TBC1D10B: variants seen among roughly 807,000 people sequenced by gnomAD.
TBC1D10B encodes TBC1 domain family member 10B.
In TBC1D10B, 25 loss-of-function variants were observed where a neutral mutation model predicts 78.4. That is an observed-to-expected ratio of 0.32 (90% CI 0.23 to 0.45). The LOEUF is 0.45. TBC1D10B is among the 20% of genes least tolerant of loss of function. The pLI, the probability that TBC1D10B is intolerant of heterozygous loss-of-function variation, is 1.00. For missense variants in TBC1D10B, 996 were observed against 1,104.8 expected, an observed-to-expected ratio of 0.90 and a Z score of 1.40; for synonymous variants, 517 against 478.0, an observed-to-expected ratio of 1.08 and a Z score of -1.06.
rs1411668838 is a variant in TBC1D10B at position 30,364,138 on chromosome 16, G to A, written c.1271+762C>T. On this transcript the variant is annotated intron_variant, in intron 4 of 8. Coordinates refer to ENST00000409939, the MANE Select transcript of TBC1D10B (RefSeq NM_015527.4). The stretch of plus-strand genomic sequence containing the variant: ...ATCTCAAAAAAAAAAAAAAAGAAAA[G>A]AAAGAACAAAAAGTCCATCTGGCCA... 8.7e-5 allele frequency among the ~76,000 whole-genome samples: 13 copies of A among 149,374 alleles called. 1 individual carries two copies. The highest frequency in any genetic ancestry group is 2.5e-4 in the African/African-American group (10 of 40,672).
At position 30,369,575 on chromosome 16, in the gene TBC1D10B, T is replaced by C. The variant is rs2049667646; in HGVS notation, c.609A>G (p.Ser203=). 6.5e-7 allele frequency: 1 copy of C among 1,533,064 alleles called. No individual in the cohort carries two copies. Among genetic ancestry groups the C allele is most frequent in the Admixed American group, 2.1e-5 (1 of 47,868 alleles). The allele number at this position is 1,533,064 out of a possible 1,614,324, so 95.0% of individuals were successfully genotyped here. The change falls in exon 1 of 9, where the codon TCA becomes TCG. Residue 203 remains serine (S), a synonymous_variant. Transcript: ENST00000409939. The surrounding 1 kb of genome is among the most constrained non-coding windows in gnomAD (Gnocchi z 4.3). ...CCTCAGGAGCCTGTCCTGCTGATGCTGATGTTGCTGCGGCAGCTCCATGCC... is the reference window on the plus strand; with the variant it reads ...CCTCAGGAGCCTGTCCTGCTGATGCCGATGTTGCTGCGGCAGCTCCATGCC... ...TGGHGAAAAT[S]ASAGQAPEDP...
At chr16:30,361,511 A>T (rs1054869781) in intron 4 of TBC1D10B, among the ~76,000 whole-genome samples, 1 of 147,618 alleles carries the variant, frequency 6.8e-6, no homozygotes, top group African/African-American at 2.5e-5. Context: ...CTCACGGCAA[A>T]CTCTGTCTCC....
rs186931006 is a variant in TBC1D10B, at chr16:30,359,606, G to A, written c.1387-3C>T. ...TGCACCAGGCACCAAAAGGCTTGCT[G>A]AGAAGAGCAAGAACAAGGAGGAGGG... is the stretch of plus-strand genomic sequence containing the variant. On this transcript the variant is annotated splice_polypyrimidine_tract_variant and splice_region_variant and intron_variant, in intron 5 of 8. Coordinates refer to ENST00000409939, the MANE Select transcript of TBC1D10B (RefSeq NM_015527.4). 1,647 of 1,560,420 alleles carry A rather than the reference G, an allele frequency of 1.1e-3. 13 individuals are homozygous for A. The African/African-American group carries it at 0.02, about 19-fold the overall frequency.
rs374707659 is a variant in TBC1D10B at position 30,358,471 on chromosome 16, G to T, written c.1900C>A (p.Arg634=). ...TRGELQYRPS[R]RLHGSRAIHE... ...ATGGCCCGGGACCCATGCAGTCGCC[G>T]TGAGGGCCGATACTGCAGCTCCCCC... is the stretch of plus-strand genomic sequence containing the variant. Residue 634 remains arginine, a synonymous_variant, in exon 9 of 9, where the codon CGG becomes AGG. Coordinates refer to ENST00000409939, the MANE Select transcript of TBC1D10B (RefSeq NM_015527.4). 18 of 1,595,558 alleles carry T rather than the reference G, an allele frequency of 1.1e-5. No homozygotes were observed. The South Asian group carries it at 1.9e-4, about 17-fold the overall frequency.
In TBC1D10B at chr16:30,357,274, C is replaced by T. The variant is rs1308814988; in HGVS notation, c.*670G>A. The stretch of plus-strand genomic sequence containing the variant: ...AGGGAACAAGGTGAAAGGTATGGGT[C>T]CTGGTGAGACAAAAGCAGGGGGGCC... On this transcript the variant is annotated 3_prime_UTR_variant, in exon 9 of 9. Coordinates refer to ENST00000409939, the MANE Select transcript of TBC1D10B (RefSeq NM_015527.4). 3.8e-5 allele frequency: 6 copies of T among 156,614 alleles called. No individual in the cohort carries two copies. The highest frequency in any genetic ancestry group is 1.4e-4 in the African/African-American group (6 of 41,446). The allele number at this position is 156,614 out of a possible 1,614,324, so 9.7% of individuals were successfully genotyped here.
chr16:30,366,552 T>C (rs2049638337), intron 1 of TBC1D10B: 1 of 152,138 alleles, frequency 6.6e-6, no homozygotes. Context: ...AATGTACTTC[T>C]GTCTCTTTAG....
rs761165757 is a variant in TBC1D10B, at chr16:30,357,811, G to A, written c.*133C>T. ...CCGTGTAGGGATCAGCAGCTGGCGA[G>A]GAGATGGGGAACCAAGCCACTTTCC... On this transcript the variant is annotated 3_prime_UTR_variant, in exon 9 of 9. Coordinates refer to ENST00000409939, the MANE Select transcript of TBC1D10B (RefSeq NM_015527.4). The A allele has an allele frequency of 7.2e-6, 9 of 1,242,032 alleles. No homozygotes were observed. The highest frequency in any genetic ancestry group is 9.8e-6 in the Non-Finnish European group (9 of 920,720). The allele number at this position is 1,242,032 out of a possible 1,614,324, so 76.9% of individuals were successfully genotyped here. A position where few individuals can be genotyped will look rare whatever the true frequency, so the allele number is the denominator to read the frequency against.
chr16:30,357,945 C>A lies in TBC1D10B; in HGVS notation c.2426G>T (p.Ter809LeuextTer27). 6.5e-7 allele frequency: 1 copy of A among 1,549,984 alleles called. No homozygotes were observed. Among genetic ancestry groups the A allele is most frequent in the South Asian group, 1.2e-5 (1 of 84,008 alleles). The part of the protein sequence containing the change: ...SAEARQDAYF[*>L] ...TGCAGTCCAGCCCCAGGGCAGAGGT[C>A]AGAAGTAAGCGTCCTGCCGGGCCTC... Residue 809 changes from the stop codon to leucine, a stop_lost, in exon 9 of 9, where the codon TGA (stop) becomes TTA (leucine). Coordinates refer to ENST00000409939, the MANE Select transcript of TBC1D10B (RefSeq NM_015527.4).
intron 4 of TBC1D10B, among the ~76,000 whole-genome samples, chr16:30,363,692 C>T (rs2049613665): frequency 6.6e-6 from 1 of 152,208 alleles, no homozygotes; most frequent in Admixed American, 6.5e-5. Context: ...TATTGTTTGT[C>T]CCCACTAAAA....
rs1024406224 is a variant in TBC1D10B at position 30,364,761 on chromosome 16, CTT to C, written c.1271+137_1271+138del. 28 of 722,618 alleles carry C rather than the reference CTT, an allele frequency of 3.9e-5. No homozygotes were observed. The African/African-American group carries it at 4.8e-4, about 12-fold the overall frequency. The allele number at this position is 722,618 out of a possible 1,614,324, so 44.8% of individuals were successfully genotyped here. A position where few individuals can be genotyped will look rare whatever the true frequency, so the allele number is the denominator to read the frequency against. ...ACAGTTCCTTTGACATGGCTTGACACTTAGTCCATTACAGATAGCTCTTCTAC... is the reference window on the plus strand; with the variant it reads ...ACAGTTCCTTTGACATGGCTTGACACAGTCCATTACAGATAGCTCTTCTAC... On this transcript the variant is annotated intron_variant, in intron 4 of 8. Coordinates refer to ENST00000409939, the MANE Select transcript of TBC1D10B (RefSeq NM_015527.4).
In TBC1D10B at chr16:30,369,315, A is replaced by C; in HGVS notation, c.869T>G (p.Met290Arg). Residue 290 changes from methionine to arginine, a missense_variant, in exon 1 of 9, where the codon ATG (methionine) becomes AGG (arginine). Transcript: ENST00000409939. This position sits in a 1 kb window ranked among gnomAD's most constrained non-coding sequence, Gnocchi z 4.3. Reference sequence around the variant, plus strand: ...CCCGTTTATCTCTGAATCTGAGCCCATGGAGCTCACATCATCCGCCAAGGA... The same window carrying C: ...CCCGTTTATCTCTGAATCTGAGCCCCTGGAGCTCACATCATCCGCCAAGGA... ...LESLADDVSS[M>R]GSDSEINGLA... is the part of the protein sequence containing the mutation. 6.3e-7 allele frequency: 1 copy of C among 1,595,492 alleles called. No individual in the cohort carries two copies. Among genetic ancestry groups the C allele is most frequent in the Non-Finnish European group, 8.5e-7 (1 of 1,171,372 alleles).
At chr16:30,360,109 T>TTCCAGGTCA (rs1230537192) in intron 4 of TBC1D10B, 17 of 407,276 alleles carry the variant, frequency 4.2e-5, no homozygotes, top group African/African-American at 3.4e-4. Context: ...CCCAGAAACC[T>TTCCAGGTCA]TCCAGGTCAT....
chr16:30,370,147 G>A lies in TBC1D10B; in HGVS notation c.37C>T (p.Arg13Cys), dbSNP rs2049676768. ...TGTAPLVAPPRRHGAPAAPSP... is the reference protein window; with the variant it reads ...TGTAPLVAPPCRHGAPAAPSP... ...GGGGCCGCGGGGGCGCCATGACGGC[G>A]CGGCGGGGCCACCAGGGGCGCCGTG... The change falls in exon 1 of 9, where the codon CGC becomes TGC. Residue 13 changes from arginine (R) to cysteine (C), a missense_variant. Transcript: ENST00000409939. 9 of 1,195,830 alleles carry A rather than the reference G, an allele frequency of 7.5e-6. No individual in the cohort carries two copies. The East Asian group carries it at 2.5e-4, about 33-fold the overall frequency. The allele number at this position is 1,195,830 out of a possible 1,614,324, so 74.1% of individuals were successfully genotyped here.
intron 4 of TBC1D10B, among the ~76,000 whole-genome samples, chr16:30,363,292 T>C (rs1197042341): frequency 6.6e-6 from 1 of 152,204 alleles, no homozygotes; most frequent in African/African-American, 2.4e-5. Flanking sequence ...GGTCTAGCTC[T>C]CACCCTCTCC....
At position 30,365,070 on chromosome 16, in the gene TBC1D10B, G is replaced by A. The variant is rs1468187432; in HGVS notation, c.1164+35C>T. ...GAACTGATACCCCTTGCACAGACAG[G>A]GCCACATGTCCCCACACCTTGGAGC... is the stretch of plus-strand genomic sequence containing the variant. On this transcript the variant is annotated intron_variant, in intron 3 of 8. Transcript: ENST00000409939. This position sits in a 1 kb window ranked among gnomAD's most constrained non-coding sequence, Gnocchi z 5.0. 6.2e-7 allele frequency: 1 copy of A among 1,612,860 alleles called. No individual in the cohort carries two copies. Among genetic ancestry groups the A allele is most frequent in the Admixed American group, 1.7e-5 (1 of 59,990 alleles).
Position 30,370,214 on chromosome 16 carries a change from C to T in TBC1D10B, c.-31G>A, listed in dbSNP as rs1421115394. 7 of 1,100,538 alleles carry T rather than the reference C, an allele frequency of 6.4e-6. No individual in the cohort carries two copies. In the East Asian group the frequency reaches 2.7e-4, roughly 43 times the overall value. The allele number at this position is 1,100,538 out of a possible 1,614,324, so 68.2% of individuals were successfully genotyped here. On this transcript the variant is annotated 5_prime_UTR_variant, in exon 1 of 9. Transcript: ENST00000409939. ...CGGGCCGCCCCTCACATCCCCCCGC[C>T]GGGGAGGCCGCAGAAGGCGCCGCCC...
intron 1 of TBC1D10B, among the ~76,000 whole-genome samples, chr16:30,368,326 T>C (rs952254613): frequency 6.6e-6 from 1 of 152,210 alleles, no homozygotes; most frequent in African/African-American, 2.4e-5. Flanking sequence ...TCTGGAGATC[T>C]CTAGGCTAAA....
Position 30,358,825 on chromosome 16 carries a change from G to A in TBC1D10B, c.1643-8C>T, listed in dbSNP as rs1017184750. ...GGAAGATGATCTTAACGCCTGCAGG[G>A]GTGGAGAGTAGAGAGCATGGGGTGG... On this transcript the variant is annotated splice_polypyrimidine_tract_variant and splice_region_variant and intron_variant, in intron 7 of 8. Transcript: ENST00000409939. 1 of 1,601,552 alleles carries A rather than the reference G, an allele frequency of 6.2e-7. No individual in the cohort carries two copies. The highest frequency in any genetic ancestry group is 8.5e-7 in the Non-Finnish European group (1 of 1,174,292).
intron 4 of TBC1D10B, among the ~76,000 whole-genome samples, chr16:30,360,694 A>T (rs2049593201): frequency 6.6e-6 from 1 of 152,210 alleles, no homozygotes; most frequent in Non-Finnish European, 1.5e-5. Flanking sequence ...ACGAAATGAC[A>T]GGTTTGATAT....
Sources: gnomAD v4.1 joint callset for allele counts (sites outside exome capture counted in the v4.1 genomes callset) on GRCh38, gnomAD v4.1.1 for gene constraint, Gnocchi (gnomAD v3.1) non-coding constraint, MANE v1.5 for transcripts, NCBI Gene and HGNC (gene_info 2026-07-23, HGNC 2026-07-21) for gene names.